The following MGAT4A variants were observed in gnomAD, a reference collection of about 807,000 sequenced individuals.
MGAT4A encodes N-acetylglucosaminyltransferase IVa.
A neutral mutation model predicts 74.1 loss-of-function variants in MGAT4A; 33 were observed. That is an observed-to-expected ratio of 0.45 (90% CI 0.34 to 0.60). The LOEUF (loss-of-function observed/expected upper bound fraction) is 0.60, where lower values mean the gene tolerates loss of function less well. MGAT4A is among the 20% of genes least tolerant of loss of function. MGAT4A has a pLI of 0.02. For synonymous variants in MGAT4A, 198 were observed against 210.4 expected, an observed-to-expected ratio of 0.94 and a Z score of 0.51; for missense variants, 479 against 628.3, an observed-to-expected ratio of 0.76 and a Z score of 2.54.
At chr2:98,707,156 G>A (rs1461779644) in intron 2 of MGAT4A, among the ~76,000 whole-genome samples, 1 of 152,206 alleles carries the variant, frequency 6.6e-6, no homozygotes, top group Non-Finnish European at 1.5e-5. Context: ...CAGAGGTACA[G>A]TGAGCTGAGA....
chr2:98,665,404 T>C (rs1028013945), intron 4 of MGAT4A, among the ~76,000 whole-genome samples: 3 of 151,778 alleles, frequency 2.0e-5, no homozygotes, highest in Non-Finnish European at 4.4e-5. Context: ...ACCATGATTC[T>C]TGAGGTAAGA....
At chr2:98,655,968 T>C (rs1039276041) in intron 7 of MGAT4A, 1 of 184,818 alleles carries the variant, frequency 5.4e-6, no homozygotes. Context: ...AATTACAATT[T>C]TAGGGTCCCT....
chr2:98,663,183 G>GAA lies in MGAT4A; in HGVS notation c.404-6_404-5dup. The GAA allele has an allele frequency of 1.3e-6, 2 of 1,539,492 alleles. No homozygotes were observed. Among genetic ancestry groups the GAA allele is most frequent in the South Asian group, 2.5e-5 (2 of 79,906 alleles). On this transcript the variant is annotated splice_region_variant and splice_polypyrimidine_tract_variant and intron_variant, in intron 4 of 15. Transcript: ENST00000393487. ...GGAATGCCCATGACTATTGAAACTG[G>GAA]AAAAAAAAATAGTAATTATATTAAA...
intron 2 of MGAT4A, among the ~76,000 whole-genome samples, chr2:98,706,741 A>G (rs1232752856): frequency 6.6e-6 from 1 of 152,156 alleles, no homozygotes; most frequent in Non-Finnish European, 1.5e-5. Flanking sequence ...ATACATAAAA[A>G]GTGAATATTC....
chr2:98,655,143 GTTC>G (rs1197805880), intron 8 of MGAT4A, among the ~76,000 whole-genome samples: 2 of 152,086 alleles, frequency 1.3e-5, no homozygotes, highest in African/African-American at 4.8e-5. Flanking sequence ...TGACATCTTA[GTTC>G]TTCTTGACAG....
intron 2 of MGAT4A, among the ~76,000 whole-genome samples, chr2:98,685,547 G>A (rs1404383511): frequency 6.6e-6 from 1 of 151,782 alleles, no homozygotes. Context: ...AAAAATAAAA[G>A]AACTGGATTC....
intron 8 of MGAT4A, among the ~76,000 whole-genome samples, chr2:98,654,901 G>T (rs1490112571): frequency 4.6e-5 from 7 of 152,120 alleles, no homozygotes; most frequent in Non-Finnish European, 1.0e-4. Flanking sequence ...TTTAAAACAT[G>T]CTACATGTCA....
chr2:98,676,947 T>C (rs1701983438), intron 3 of MGAT4A, among the ~76,000 whole-genome samples: 1 of 152,150 alleles, frequency 6.6e-6, no homozygotes, highest in Non-Finnish European at 1.5e-5. Flanking sequence ...TAATGCAAAG[T>C]TTATCAGCAG....
intron 4 of MGAT4A, among the ~76,000 whole-genome samples, chr2:98,668,338 T>C (rs1425967122): frequency 6.6e-6 from 1 of 152,174 alleles, no homozygotes; most frequent in Admixed American, 6.5e-5. Context: ...CAGCCTTGAC[T>C]AAAAGGAGCC....
intron 7 of MGAT4A, 196 bp downstream of exon 7, chr2:98,656,156 A>G (rs1297523108): frequency 2.4e-5 from 12 of 501,734 alleles, no homozygotes; most frequent in Non-Finnish European, 4.2e-5. Flanking sequence ...ACAGTAAAAT[A>G]AAAGCTAATA....
At chr2:98,727,605 T>G (rs1702784691) in intron 1 of MGAT4A, among the ~76,000 whole-genome samples, 1 of 152,134 alleles carries the variant, frequency 6.6e-6, no homozygotes, top group Admixed American at 6.6e-5. Context: ...GGTAATATAC[T>G]GACACTGTAG....
chr2:98,670,692 T>C (rs913398055), intron 4 of MGAT4A, among the ~76,000 whole-genome samples: 2 of 152,194 alleles, frequency 1.3e-5, no homozygotes, highest in African/African-American at 4.8e-5. Flanking sequence ...TCATGACAGT[T>C]TTTTTTCTTC....
intron 10 of MGAT4A, among the ~76,000 whole-genome samples, chr2:98,642,020 C>T (rs1278941948): frequency 2.0e-5 from 3 of 150,840 alleles, no homozygotes; most frequent in African/African-American, 7.3e-5. Context: ...AAGAAATTTA[C>T]ACTGTAGAAG....
intron 2 of MGAT4A, among the ~76,000 whole-genome samples, chr2:98,702,233 C>T (rs1320855317): frequency 6.6e-6 from 1 of 152,176 alleles, no homozygotes; most frequent in African/African-American, 2.4e-5. Context: ...TGGGGCAGGC[C>T]TTGAAAACTA....
intron 2 of MGAT4A, among the ~76,000 whole-genome samples, chr2:98,719,588 A>T (rs1374696662): frequency 6.6e-6 from 1 of 152,204 alleles, no homozygotes; most frequent in African/African-American, 2.4e-5. Context: ...AAAAAAACCA[A>T]GCAGGTAACA....
intron 1 of MGAT4A, chr2:98,730,337 C>T (rs953784418): frequency 2.6e-5 from 4 of 152,284 alleles, no homozygotes; most frequent in African/African-American, 9.6e-5. Flanking sequence ...TGTCACCTGG[C>T]ACACTTGGTG....
intron 14 of MGAT4A, among the ~76,000 whole-genome samples, chr2:98,633,495 C>A (rs889424415): frequency 1.1e-4 from 17 of 152,140 alleles, no homozygotes; most frequent in African/African-American, 4.1e-4. Flanking sequence ...ATAATTTTCA[C>A]CAGTTATAAT....
chr2:98,652,048 A>G (rs558877573), intron 8 of MGAT4A, among the ~76,000 whole-genome samples: 90 of 152,348 alleles, frequency 5.9e-4, no homozygotes, highest in African/African-American at 2.1e-3. Context: ...ACCTAATAAT[A>G]GAGGTCTCAG....
intron 2 of MGAT4A, among the ~76,000 whole-genome samples, chr2:98,713,289 A>G (rs1467755188): frequency 6.6e-6 from 1 of 151,786 alleles, no homozygotes; most frequent in East Asian, 1.9e-4. Context: ...TACAGAATCT[A>G]CTTTTCCCAA....
Sources: allele counts gnomAD v4.1 joint callset (sites outside exome capture counted in the v4.1 genomes callset), GRCh38; gene constraint gnomAD v4.1.1; transcripts MANE v1.5; gene names NCBI Gene and HGNC (gene_info 2026-07-23, HGNC 2026-07-21).